Variants in FGD3 observed in about 807,000 individuals in gnomAD.
FGD3 encodes FYVE, RhoGEF and PH domain-containing protein 3.
In FGD3, 45 loss-of-function variants were observed where a neutral mutation model predicts 71.8. The observed-to-expected ratio is 0.63, with a 90% CI of 0.49 to 0.80. FGD3 has a LOEUF of 0.80. Ranked by LOEUF, FGD3 falls within the 30% of genes least tolerant of loss-of-function variation. The pLI is 0.00. For missense variants in FGD3, 844 were observed against 951.5 expected, an observed-to-expected ratio of 0.89 and a Z score of 1.49; for synonymous variants, 378 against 392.8, an observed-to-expected ratio of 0.96 and a Z score of 0.44.
chr9:93,008,349 C>T (rs566858975), intron 6 of FGD3, among the ~76,000 whole-genome samples: 41 of 152,190 alleles, frequency 2.7e-4, no homozygotes, highest in Non-Finnish European at 5.7e-4. Flanking sequence ...GTCCCAATAA[C>T]ATTCTTGTTT....
At chr9:93,000,336 G>A (rs1860814784) in intron 3 of FGD3, among the ~76,000 whole-genome samples, 1 of 152,082 alleles carries the variant, frequency 6.6e-6, no homozygotes, top group African/African-American at 2.4e-5. Context: ...AAGGATAATA[G>A]TACAAATTAT....
chr9:92,986,739 T>C lies in FGD3; in HGVS notation c.453+10030T>C, dbSNP rs561975257. Among the ~76,000 whole-genome samples, 6 of 152,330 alleles carry C rather than the reference T, an allele frequency of 3.9e-5. No homozygotes were observed. In the South Asian group the frequency reaches 8.3e-4, roughly 21 times the overall value. On this transcript the variant is annotated intron_variant, in intron 3 of 17. Coordinates refer to ENST00000375482, the MANE Select transcript of FGD3 (RefSeq NM_001083536.2). ...CTGCTTCAAAAGCCACTGGAAAACTTGGCCCTGGGGCATAACAGGAATGAA... is the reference window on the plus strand; with the variant it reads ...CTGCTTCAAAAGCCACTGGAAAACTCGGCCCTGGGGCATAACAGGAATGAA...
Position 93,003,039 on chromosome 9 carries a change from T to A in FGD3, c.543+25T>A, listed in dbSNP as rs759581803. On this transcript the variant is annotated intron_variant, in intron 4 of 17. Transcript: ENST00000375482. This position sits in a 1 kb window ranked among gnomAD's most constrained non-coding sequence, Gnocchi z 4.1. ...GGTAGCCCACATGGCTTGGGGGCAG[T>A]TTCAGTATCTCTTAGCATTGGCTGG... is the stretch of plus-strand genomic sequence containing the variant. The A allele has an allele frequency of 6.2e-7, 1 of 1,602,574 alleles. No homozygotes were observed. The highest frequency in any genetic ancestry group is 1.3e-5 in the African/African-American group (1 of 74,798).
intron 1 of FGD3, among the ~76,000 whole-genome samples, chr9:92,962,955 A>G (rs2118522448): frequency 6.6e-6 from 1 of 150,700 alleles, no homozygotes; most frequent in South Asian, 2.1e-4. Flanking sequence ...AAAAAAAAAA[A>G]AGAAAAGAAA....
At chr9:92,958,286 A>G (rs951784499) in intron 1 of FGD3, among the ~76,000 whole-genome samples, 2 of 152,140 alleles carry the variant, frequency 1.3e-5, no homozygotes, top group African/African-American at 4.8e-5. Flanking sequence ...GGCATGAGCC[A>G]CCTTGCCCGG....
chr9:92,989,889 GT>G (rs997965231), intron 3 of FGD3, among the ~76,000 whole-genome samples: 20 of 99,294 alleles, frequency 2.0e-4, no homozygotes, highest in East Asian at 1.8e-3. Context: ...GGGGTCCTGT[GT>G]TTTTTTTTTC....
intron 1 of FGD3, among the ~76,000 whole-genome samples, chr9:92,973,981 C>G (rs1321673049): frequency 6.6e-6 from 1 of 152,234 alleles, no homozygotes; most frequent in Non-Finnish European, 1.5e-5. Flanking sequence ...GAAATGGTCT[C>G]TGGGCAGTGA....
chr9:92,975,641 G>A (rs941143351), intron 2 of FGD3, among the ~76,000 whole-genome samples: 7 of 152,148 alleles, frequency 4.6e-5, no homozygotes, highest in Non-Finnish European at 8.8e-5. Context: ...GGGAGGAGGA[G>A]TTTTGGGGCA....
chr9:92,955,484 TAAAA>T (rs1564139080), intron 1 of FGD3, among the ~76,000 whole-genome samples: 1 of 152,066 alleles, frequency 6.6e-6, no homozygotes, highest in African/African-American at 2.4e-5. Flanking sequence ...AAAATAAAAA[TAAAA>T]ATAAATAGAG....
chr9:93,008,474 G>A (rs1861158271), intron 6 of FGD3, among the ~76,000 whole-genome samples: 1 of 152,208 alleles, frequency 6.6e-6, no homozygotes, highest in South Asian at 2.1e-4. Flanking sequence ...CTAGTTACTT[G>A]TAGACTGCCT....
At chr9:92,963,803 C>G (rs1226033522) in intron 1 of FGD3, among the ~76,000 whole-genome samples, 1 of 152,192 alleles carries the variant, frequency 6.6e-6, no homozygotes, top group Admixed American at 6.5e-5. Flanking sequence ...TGGGTCAGGT[C>G]TCCCAGGAAG....
rs73651346 is a variant in FGD3, at chr9:92,966,799, G to T, written c.-217-8439G>T. On this transcript the variant is annotated intron_variant, in intron 1 of 17. Transcript: ENST00000375482. Reference sequence around the variant, plus strand: ...AGCTGGGCAGGGAGGTTGACAAGGAGGCTGGCCTGGTACAGGGCCTTGCCC... The same window carrying T: ...AGCTGGGCAGGGAGGTTGACAAGGATGCTGGCCTGGTACAGGGCCTTGCCC... 7.7e-3 allele frequency among the ~76,000 whole-genome samples: 1,172 copies of T among 152,366 alleles called. 12 individuals are homozygous for T. The highest frequency in any genetic ancestry group is 0.024 in the African/African-American group (1,000 of 41,588).
chr9:92,971,250 A>G (rs914611732), intron 1 of FGD3, among the ~76,000 whole-genome samples: 1 of 152,136 alleles, frequency 6.6e-6, no homozygotes, highest in African/African-American at 2.4e-5. Context: ...TGCAAACGCA[A>G]AGCTGGAGGT....
At chr9:93,018,868 T>C (rs1459488085) in intron 11 of FGD3, among the ~76,000 whole-genome samples, 1 of 152,184 alleles carries the variant, frequency 6.6e-6, no homozygotes, top group African/African-American at 2.4e-5. Context: ...TTTCTTTTTT[T>C]TGAGACGGAG....
chr9:93,030,005 C>T lies in FGD3; in HGVS notation c.1680+9C>T, dbSNP rs771361838. Reference sequence around the variant, plus strand: ...GCAAGCTGTGTGGGGCGGTGAGTCCCGGGAGAGGGGGACAGGGACAGGAGG... The same window carrying T: ...GCAAGCTGTGTGGGGCGGTGAGTCCTGGGAGAGGGGGACAGGGACAGGAGG... On this transcript the variant is annotated intron_variant, in intron 15 of 17. Transcript: ENST00000375482. The T allele has an allele frequency of 6.0e-5, 96 of 1,610,402 alleles. No homozygotes were observed. Among genetic ancestry groups the T allele is most frequent in the Middle Eastern group, 1.7e-4 (1 of 6,020 alleles).
chr9:93,009,979 C>T (rs1460391636), intron 6 of FGD3, among the ~76,000 whole-genome samples: 1 of 152,214 alleles, frequency 6.6e-6, no homozygotes. Context: ...CATTTATTTT[C>T]TCCACCGAGG....
rs533705865 is a variant in FGD3 at position 92,994,553 on chromosome 9, T to C, written c.454-8372T>C. 2.6e-5 allele frequency among the ~76,000 whole-genome samples: 4 copies of C among 152,316 alleles called. No homozygotes were observed. The South Asian group carries it at 6.2e-4, about 24-fold the overall frequency. On this transcript the variant is annotated intron_variant, in intron 3 of 17. Coordinates refer to ENST00000375482, the MANE Select transcript of FGD3 (RefSeq NM_001083536.2). ...TTAGTCATGAAGTCCTTGCCCATGCTTATGGCCTGAATGGTATTGCCTAGC... is the reference window on the plus strand; with the variant it reads ...TTAGTCATGAAGTCCTTGCCCATGCCTATGGCCTGAATGGTATTGCCTAGC...
Position 93,035,321 on chromosome 9 carries a change from C to T in FGD3, c.1927-17C>T. 6.2e-7 allele frequency: 1 copy of T among 1,603,776 alleles called. No homozygotes were observed. The highest frequency in any genetic ancestry group is 8.5e-7 in the Non-Finnish European group (1 of 1,174,740). Reference sequence around the variant, plus strand: ...GGGAAGCTGTGGCCCCGCTGACCATCTGCTCCTCTGCTGCAGGACGGCCGG... The same window carrying T: ...GGGAAGCTGTGGCCCCGCTGACCATTTGCTCCTCTGCTGCAGGACGGCCGG... On this transcript the variant is annotated splice_polypyrimidine_tract_variant and intron_variant, in intron 17 of 17. Transcript: ENST00000375482.
intron 14 of FGD3, 131 bp downstream of exon 14, chr9:93,022,520 A>C: frequency 1.1e-6 from 1 of 884,858 alleles, no homozygotes. Flanking sequence ...CTGAGGGGCC[A>C]GTCTGCCCTG....
Sources: allele counts gnomAD v4.1 joint callset (sites outside exome capture counted in the v4.1 genomes callset), GRCh38; gene constraint gnomAD v4.1.1; non-coding constraint Gnocchi (gnomAD v3.1); transcripts MANE v1.5; gene names NCBI Gene and HGNC (gene_info 2026-07-23, HGNC 2026-07-21).